The following CSMD3 variants were observed in gnomAD, a reference collection of about 807,000 sequenced individuals.
CSMD3 encodes CUB and Sushi multiple domains 3.
A neutral mutation model predicts 435.2 loss-of-function variants in CSMD3; 177 were observed. That is an observed-to-expected ratio of 0.41 (90% CI 0.36 to 0.46). The LOEUF (loss-of-function observed/expected upper bound fraction) is 0.46, where lower values mean the gene tolerates loss of function less well. Ranked by LOEUF, CSMD3 falls within the 20% of genes least tolerant of loss-of-function variation. The pLI is 0.34. For missense variants in CSMD3, 4,265 were observed against 4,504.6 expected, an observed-to-expected ratio of 0.95 and a Z score of 1.52; for synonymous variants, 1,656 against 1,520.5, an observed-to-expected ratio of 1.09 and a Z score of -2.07.
chr8:113,081,753 C>A (rs942546204), intron 5 of CSMD3, among the ~76,000 whole-genome samples: 3 of 152,116 alleles, frequency 2.0e-5, no homozygotes, highest in African/African-American at 7.2e-5. Context: ...ATGGTTGCAG[C>A]AACATGTCAC....
At chr8:113,052,400 G>A (rs1419701597) in intron 5 of CSMD3, among the ~76,000 whole-genome samples, 2 of 152,118 alleles carry the variant, frequency 1.3e-5, no homozygotes, top group Non-Finnish European at 2.9e-5. Flanking sequence ...TACATTCAAC[G>A]GGATTTGAAT....
intron 38 of CSMD3, among the ~76,000 whole-genome samples, chr8:112,376,875 G>A (rs1342561034): frequency 6.6e-6 from 1 of 152,124 alleles, no homozygotes; most frequent in Non-Finnish European, 1.5e-5. Flanking sequence ...AAACTGCTAT[G>A]AAAGATTTTT....
chr8:113,394,326 C>T (rs11987296), intron 1 of CSMD3, among the ~76,000 whole-genome samples: 1,586 of 152,024 alleles, frequency 0.01, 37 homozygotes, highest in African/African-American at 0.036. Flanking sequence ...AATATTATAT[C>T]GAATGTTTCT....
chr8:112,603,796 A>C (rs914290431), intron 22 of CSMD3, among the ~76,000 whole-genome samples: 1 of 152,160 alleles, frequency 6.6e-6, no homozygotes, highest in African/African-American at 2.4e-5. Context: ...TTATCCAAAA[A>C]AATTGCATAT....
chr8:113,175,172 A>T (rs1419327192), intron 3 of CSMD3, among the ~76,000 whole-genome samples: 1 of 151,866 alleles, frequency 6.6e-6, no homozygotes, highest in Admixed American at 6.6e-5. Context: ...TTCACAATAT[A>T]TAGCTTAATT....
Position 112,726,806 on chromosome 8 carries a change from GA to G in CSMD3, c.1973-36757del, listed in dbSNP as rs2076975268. On this transcript the variant is annotated intron_variant, in intron 13 of 70. Coordinates refer to ENST00000297405, the MANE Select transcript of CSMD3 (RefSeq NM_198123.2). ...ATTTTTAAAAAGATACGGAAAAAAG[GA>G]AAATTTGATTATTGATGTAATGTAT... 2.6e-5 allele frequency among the ~76,000 whole-genome samples: 4 copies of G among 151,880 alleles called. No homozygotes were observed. In the South Asian group the frequency reaches 8.3e-4, roughly 31 times the overall value.
intron 13 of CSMD3, among the ~76,000 whole-genome samples, chr8:112,769,647 C>T (rs2078062889): frequency 6.6e-6 from 1 of 151,856 alleles, no homozygotes; most frequent in South Asian, 2.1e-4. Flanking sequence ...TAATAAGTTG[C>T]ACCTCAATAA....
At chr8:112,238,385 A>G (rs1225508154) in intron 66 of CSMD3, among the ~76,000 whole-genome samples, 1 of 152,060 alleles carries the variant, frequency 6.6e-6, no homozygotes, top group African/African-American at 2.4e-5. Context: ...TATTCCCTGA[A>G]TTCTATTAAA....
intron 3 of CSMD3, among the ~76,000 whole-genome samples, chr8:113,199,487 A>C (rs2092695136): frequency 6.6e-6 from 1 of 151,816 alleles, no homozygotes; most frequent in African/African-American, 2.4e-5. Context: ...GGATAATATT[A>C]TAAGCTCTAT....
chr8:113,399,078 C>CATATATAT (rs764141337), intron 1 of CSMD3, among the ~76,000 whole-genome samples: 56 of 90,824 alleles, frequency 6.2e-4, no homozygotes, highest in South Asian at 2.1e-3. Context: ...AAGGATAGTT[C>CATATATAT]ATATATATAT....
At chr8:112,843,974 A>C (rs1401197531) in intron 11 of CSMD3, among the ~76,000 whole-genome samples, 2 of 151,964 alleles carry the variant, frequency 1.3e-5, no homozygotes, top group Admixed American at 6.6e-5. Context: ...AACAGCATCC[A>C]GACTTCATCA....
At chr8:113,100,037 C>G (rs968151175) in intron 4 of CSMD3, among the ~76,000 whole-genome samples, 1 of 151,972 alleles carries the variant, frequency 6.6e-6, no homozygotes, top group Non-Finnish European at 1.5e-5. Flanking sequence ...TCTTTGTATT[C>G]AATTCCATGA....
intron 13 of CSMD3, among the ~76,000 whole-genome samples, chr8:112,725,521 C>A (rs369803820): frequency 1.8e-4 from 27 of 151,976 alleles, no homozygotes; most frequent in African/African-American, 6.5e-4. Context: ...GAAGTTGATT[C>A]AATCCAAATT....
intron 5 of CSMD3, among the ~76,000 whole-genome samples, chr8:113,020,589 A>T (rs562741108): frequency 6.6e-6 from 1 of 152,302 alleles, no homozygotes; most frequent in South Asian, 2.1e-4. Flanking sequence ...TTTCAGATTA[A>T]GGTTTCTTAA....
intron 7 of CSMD3, among the ~76,000 whole-genome samples, chr8:112,964,269 C>A (rs2084335973): frequency 1.3e-5 from 2 of 151,894 alleles, no homozygotes; most frequent in Non-Finnish European, 2.9e-5. Context: ...TATATTCAGT[C>A]AGAACTCTCT....
At chr8:112,573,234 T>G (rs992392830) in intron 24 of CSMD3, among the ~76,000 whole-genome samples, 3 of 152,128 alleles carry the variant, frequency 2.0e-5, no homozygotes, top group African/African-American at 7.2e-5. Flanking sequence ...ATCCTGCTAC[T>G]TAAAACTACC....
chr8:113,091,749 C>T, intron 5 of CSMD3, among the ~76,000 whole-genome samples: 1 of 151,178 alleles, frequency 6.6e-6, no homozygotes, highest in East Asian at 1.9e-4. Context: ...GTTTTACTAT[C>T]TTTTATATTG....
intron 1 of CSMD3, among the ~76,000 whole-genome samples, chr8:113,326,169 C>T (rs2093982386): frequency 6.6e-6 from 1 of 152,230 alleles, no homozygotes; most frequent in South Asian, 2.1e-4. Context: ...ATGAGCAATG[C>T]TAATGTTCAC....
At chr8:112,797,228 T>C (rs1157109345) in intron 13 of CSMD3, among the ~76,000 whole-genome samples, 1 of 151,892 alleles carries the variant, frequency 6.6e-6, no homozygotes, top group Non-Finnish European at 1.5e-5. Context: ...AAACTATATG[T>C]TTTGGAGTCC....
Sources: gnomAD v4.1 joint callset for allele counts (sites outside exome capture counted in the v4.1 genomes callset) on GRCh38, gnomAD v4.1.1 for gene constraint, MANE v1.5 for transcripts, NCBI Gene and HGNC (gene_info 2026-07-23, HGNC 2026-07-21) for gene names.